The following MYO15A variants were observed in gnomAD, a reference collection of about 807,000 sequenced individuals.
MYO15A encodes unconventional myosin-XV.
In MYO15A, 308 loss-of-function variants were observed where a neutral mutation model predicts 394.6. That is an observed-to-expected ratio of 0.78 (90% confidence interval 0.71 to 0.86). The LOEUF (loss-of-function observed/expected upper bound fraction) is 0.86, where lower values mean the gene tolerates loss of function less well. Ranked by LOEUF, MYO15A falls within the 40% of genes least tolerant of loss-of-function variation. The pLI is 0.00. For synonymous variants in MYO15A, 1,957 were observed against 2,003.8 expected, an observed-to-expected ratio of 0.98 and a Z score of 0.62; for missense variants, 4,606 against 4,799.1, an observed-to-expected ratio of 0.96 and a Z score of 1.19.
At chr17:18,139,920 C>A (rs935213847) in intron 19 of MYO15A, among the ~76,000 whole-genome samples, 1 of 152,236 alleles carries the variant, frequency 6.6e-6, no homozygotes, top group African/African-American at 2.4e-5. Context: ...GTACTTACCC[C>A]ACTCTGGGCC....
At chr17:18,112,871 G>A (rs2045739153) in intron 1 of MYO15A, among the ~76,000 whole-genome samples, 4 of 149,920 alleles carry the variant, frequency 2.7e-5, no homozygotes, top group African/African-American at 2.5e-5. Context: ...TTTTTGAAAC[G>A]GAGTCTCACT....
rs2046314852 is a variant in MYO15A at position 18,138,204 on chromosome 17, T to C, written c.4965T>C (p.Tyr1655=). 2.5e-6 allele frequency: 4 copies of C among 1,613,726 alleles called. No individual in the cohort carries two copies. The highest frequency in any genetic ancestry group is 2.2e-5 in the South Asian group (2 of 91,084). ...PCINLISLKP[Y]GILRILDDQC... is the part of the protein sequence containing the mutation. ...TCAACCTCATCTCACTGAAGCCTTA[T>C]GGCATCCTGCGGATCCTTGACGACC... The change falls in exon 17 of 66, where the codon TAT becomes TAC. Residue 1655 remains tyrosine (Y), a synonymous_variant. Transcript: ENST00000647165.
intron 5 of MYO15A, 33 bp from the exon 6 acceptor site, chr17:18,126,758 G>T (rs967432369): frequency 6.2e-7 from 1 of 1,611,684 alleles, no homozygotes; most frequent in Non-Finnish European, 8.5e-7. Flanking sequence ...GAGCTTAGAG[G>T]CAGGGGCCAG....
At chr17:18,131,152 G>A in intron 8 of MYO15A, 87 bp from the exon 9 acceptor site, 3 of 1,243,836 alleles carry the variant, frequency 2.4e-6, no homozygotes, top group Non-Finnish European at 2.3e-6. Flanking sequence ...GAAGGCTCAT[G>A]TCTGGGTGTC....
chr17:18,151,964 G>T lies in MYO15A; in HGVS notation c.7893+13G>T. Reference sequence around the variant, plus strand: ...ACCTGGCACCCAGGTGAGGGGGGAAGGTGGGGCTGAGCCCAGGTGGAACAG... The same window carrying T: ...ACCTGGCACCCAGGTGAGGGGGGAATGTGGGGCTGAGCCCAGGTGGAACAG... On this transcript the variant is annotated intron_variant, in intron 41 of 65. Transcript: ENST00000647165. 6.4e-7 allele frequency: 1 copy of T among 1,553,914 alleles called. No individual in the cohort carries two copies. Among genetic ancestry groups the T allele is most frequent in the Non-Finnish European group, 8.7e-7 (1 of 1,147,664 alleles).
chr17:18,143,508 G>T, intron 25 of MYO15A, 58 bp from the exon 26 acceptor site: 1 of 1,543,718 alleles, frequency 6.5e-7, no homozygotes. Flanking sequence ...TGGCCTGCCT[G>T]GGTGCCGGTC....
At chr17:18,172,071 C>G in intron 63 of MYO15A, 86 bp from the exon 64 acceptor site, 2 of 1,604,538 alleles carry the variant, frequency 1.2e-6, no homozygotes. Flanking sequence ...CTGGACACAG[C>G]CCAGAGAAGC....
Position 18,159,339 on chromosome 17 carries a change from T to C in MYO15A, c.9221T>C (p.Met3074Thr), listed in dbSNP as rs564438028. The change falls in exon 54 of 66, where the codon ATG (methionine) becomes ACG (threonine). Residue 3074 changes from methionine (M) to threonine (T), a missense_variant. Met to Thr is a moderately conservative substitution (Grantham distance 81). This residue lies in a region of MYO15A where 2,776 missense variants were observed against 3,109.3 expected (regional missense o/e 0.89). Transcript: ENST00000647165. ...AGCCTCAGCAAGATGGCCACCGACA[T>C]GTTCCTAGGTGTGGGAGTGGGACTG... ...DSSLSKMATD[M>T]FLAVMRFMGD... The C allele has an allele frequency of 7.4e-6, 12 of 1,614,152 alleles. No homozygotes were observed. Among genetic ancestry groups the C allele is most frequent in the Middle Eastern group, 1.6e-4 (1 of 6,062 alleles).
chr17:18,144,686 C>A, intron 29 of MYO15A, 94 bp downstream of exon 29: 1 of 1,207,458 alleles, frequency 8.3e-7, no homozygotes, highest in Non-Finnish European at 1.2e-6. Flanking sequence ...CTCCCCAAGC[C>A]CAACCCATGA....
At chr17:18,139,817 AT>A (rs1181058900) in intron 19 of MYO15A, among the ~76,000 whole-genome samples, 1 of 152,036 alleles carries the variant, frequency 6.6e-6, no homozygotes, top group African/African-American at 2.4e-5. Context: ...CCTCATCCTG[AT>A]CCTGTCCTCT....
chr17:18,174,321 T>C (rs1245908628), intron 65 of MYO15A, among the ~76,000 whole-genome samples: 1 of 152,094 alleles, frequency 6.6e-6, no homozygotes, highest in East Asian at 1.9e-4. Context: ...CTGTGGCTGT[T>C]ACTTAAAAGG....
chr17:18,157,040 G>A lies in MYO15A; in HGVS notation c.8688G>A (p.Leu2896=). ...TCCACAAGGGTGACATCATACACCT[G>A]CAGCCCCTAGAGCCACCTCGAGTGG... ...LAFHKGDIIH[L]QPLEPPRVGY... is the part of the protein sequence containing the mutation. Residue 2896 remains leucine, a synonymous_variant, in exon 49 of 66, where the codon CTG becomes CTA. Transcript: ENST00000647165. 6.2e-7 allele frequency: 1 copy of A among 1,614,146 alleles called. No individual in the cohort carries two copies. Among genetic ancestry groups the A allele is most frequent in the Non-Finnish European group, 8.5e-7 (1 of 1,180,024 alleles).
rs1210898841 is a variant in MYO15A, at chr17:18,132,594, C to A, written c.4320+28C>A. On this transcript the variant is annotated intron_variant, in intron 11 of 65. Transcript: ENST00000647165. This position sits in a 1 kb window ranked among gnomAD's most constrained non-coding sequence, Gnocchi z 4.6. ...GAGTGCCAGCAGGCATCTGAAGGCC[C>A]CTGGCCCTGGTCCTCCCACCCCGAC... is the stretch of plus-strand genomic sequence containing the variant. The A allele has an allele frequency of 6.3e-7, 1 of 1,585,256 alleles. No individual in the cohort carries two copies. Among genetic ancestry groups the A allele is most frequent in the Non-Finnish European group, 8.6e-7 (1 of 1,161,562 alleles).
intron 2 of MYO15A, chr17:18,123,829 A>G (rs1008135): frequency 0.44 from 68,749 of 156,416 alleles, 16,500 homozygotes; most frequent in East Asian, 0.74. Context: ...GACCCCCAGC[A>G]TAGGGAGGGA....
rs1264271225 is a variant in MYO15A at position 18,118,832 on chromosome 17, C to A, written c.32C>A (p.Ala11Asp). Residue 11 changes from alanine to aspartate, a missense_variant, in exon 2 of 66, where the codon GCC becomes GAC. Ala to Asp is a moderately radical substitution (Grantham distance 126, BLOSUM62 -2). Around this residue, in one of 2 missense-constraint regions of MYO15A, gnomAD observed 1,830 missense variants for 1,689.7 expected, o/e 1.08. Transcript: ENST00000647165. MAKEEDEEKK[A>D]KKGKKGKKAP... is the part of the protein sequence containing the mutation. ...AAGGAGGAAGATGAGGAGAAGAAAG[C>A]CAAGAAAGGGAAGAAGGGGAAGAAG... is the stretch of plus-strand genomic sequence containing the variant. The A allele has an allele frequency of 5.0e-6, 8 of 1,610,162 alleles. No homozygotes were observed. The South Asian group carries it at 8.8e-5, about 18-fold the overall frequency.
chr17:18,144,534 C>T lies in MYO15A; in HGVS notation c.6215C>T (p.Thr2072Ile). The T allele has an allele frequency of 6.2e-7, 1 of 1,613,398 alleles. No homozygotes were observed. The highest frequency in any genetic ancestry group is 8.5e-7 in the Non-Finnish European group (1 of 1,180,036). Residue 2072 changes from threonine to isoleucine, a missense_variant, in exon 29 of 66, where the codon ACA (threonine) becomes ATA (isoleucine). Around this residue, in one of 2 missense-constraint regions of MYO15A, gnomAD observed 2,776 missense variants for 3,109.3 expected, o/e 0.89. Transcript: ENST00000647165. ...AFGMLTVPLR[T>I]PLTQLPAEHH... ...GGGATGCTGACAGTGCCCCTGAGGA[C>T]ACCCCTCACGCAGCTGCCAGCCGAG...
chr17:18,179,295 C>CCTG lies in MYO15A; in HGVS notation c.*425_*426insCTG. Reference sequence around the variant, plus strand: ...TCTGCTCCAACTCCACACCCTAGCCCTTACATGTCCTCCTAAGGGGCCCCT... The same window carrying CCTG: ...TCTGCTCCAACTCCACACCCTAGCCCCTGTTACATGTCCTCCTAAGGGGCCCCT... On this transcript the variant is annotated 3_prime_UTR_variant, in exon 66 of 66. Transcript: ENST00000647165. The CCTG allele has an allele frequency of 3.9e-6, 1 of 253,820 alleles. No homozygotes were observed. The highest frequency in any genetic ancestry group is 7.9e-6 in the Non-Finnish European group (1 of 126,648). The allele number at this position is 253,820 out of a possible 1,614,324, so 15.7% of individuals were successfully genotyped here.
chr17:18,126,779 C>T lies in MYO15A; in HGVS notation c.3867-12C>T. On this transcript the variant is annotated splice_polypyrimidine_tract_variant and intron_variant, in intron 5 of 65. Transcript: ENST00000647165. ...AGAGGCAGGGGCCAGCTCTAATGAC[C>T]TGTCTCCCCAGGCACCTCTTTGCTG... 1.2e-6 allele frequency: 2 copies of T among 1,614,046 alleles called. No individual in the cohort carries two copies. Among genetic ancestry groups the T allele is most frequent in the Admixed American group, 3.3e-5 (2 of 60,020 alleles).
intron 33 of MYO15A, 97 bp downstream of exon 33, chr17:18,149,049 C>A (rs1302270707): frequency 1.6e-5 from 24 of 1,488,674 alleles, no homozygotes; most frequent in Non-Finnish European, 2.2e-5. Context: ...GCTGCTGGGA[C>A]AGGCTGAGCC....
Sources: allele counts gnomAD v4.1 joint callset (sites outside exome capture counted in the v4.1 genomes callset), GRCh38; gene constraint gnomAD v4.1.1; regional missense constraint gnomAD v4.1.1; non-coding constraint Gnocchi (gnomAD v3.1); transcripts MANE v1.5; gene names NCBI Gene and HGNC (gene_info 2026-07-23, HGNC 2026-07-21).